ART3: variants seen among roughly 807,000 people sequenced by gnomAD.
ART3 encodes the protein ADP-ribosyltransferase 3 (inactive).
A neutral mutation model predicts 48.5 loss-of-function variants in ART3; 49 were observed. That is an observed-to-expected ratio of 1.01 (90% CI 0.80 to 1.28). The LOEUF is 1.28. Among genes scored for constraint, ART3 ranks in the 50% most tolerant of loss-of-function variants. The probability of loss-of-function intolerance (pLI) is 0.00; values close to 1 mark genes in which losing one functional copy is unlikely to be tolerated. For synonymous variants in ART3, 145 were observed against 157.2 expected (o/e 0.92, Z 0.58); for missense variants, 438 against 454.3 (o/e 0.96, Z 0.33).
intron 1 of ART3, among the ~76,000 whole-genome samples, chr4:76,065,779 TATA>T (rs1719674688): frequency 6.6e-6 from 1 of 151,546 alleles, no homozygotes; most frequent in African/African-American, 2.4e-5. Context: ...ATATATTAAA[TATA>T]ATAAAGCAAT....
At chr4:76,065,020 C>T (rs5005113) in intron 1 of ART3, among the ~76,000 whole-genome samples, 88,456 of 151,210 alleles carry the variant, frequency 0.58, 26,668 homozygotes, top group East Asian at 0.94. Context: ...TTAGTAGAGA[C>T]GAGGTTTCAC....
chr4:76,107,562 T>C (rs1249740965), intron 10 of ART3, 199 bp from the exon 11 acceptor site: 1 of 393,490 alleles, frequency 2.5e-6, no homozygotes, highest in African/African-American at 2.1e-5. Context: ...CACATATTGA[T>C]GGGAAAAAAA....
At chr4:76,032,581 C>CT (rs10547155) in intron 1 of ART3, among the ~76,000 whole-genome samples, 178 of 114,566 alleles carry the variant, frequency 1.6e-3, no homozygotes, top group Non-Finnish European at 2.2e-3. Flanking sequence ...AGATTCAAGT[C>CT]TTTTTTTTTT....
At position 76,042,562 on chromosome 4, in the gene ART3, G is replaced by C. The variant is rs891955912; in HGVS notation, c.-10+31242G>C. 5.3e-5 allele frequency among the ~76,000 whole-genome samples: 8 copies of C among 152,078 alleles called. No individual in the cohort carries two copies. The East Asian group carries it at 1.5e-3, about 29-fold the overall frequency. On this transcript the variant is annotated intron_variant, in intron 1 of 9. Transcript: ENST00000341029. ...CCAGAATTGGTGGGTTCTTGGTCTCGCTGACTTCAAGAATGAAGCCACGGA... is the reference window on the plus strand; with the variant it reads ...CCAGAATTGGTGGGTTCTTGGTCTCCCTGACTTCAAGAATGAAGCCACGGA...
chr4:76,062,661 C>T (rs1182146936), intron 1 of ART3, among the ~76,000 whole-genome samples: 3 of 145,684 alleles, frequency 2.1e-5, no homozygotes, highest in South Asian at 4.3e-4. Flanking sequence ...CTCGGGTTCA[C>T]GCCATTCTTC....
chr4:76,105,405 C>T (rs999721758), intron 10 of ART3: 35 of 944,050 alleles, frequency 3.7e-5, no homozygotes, highest in Non-Finnish European at 4.6e-5. Context: ...AAGCTTCTGT[C>T]TTGCAGGACT....
intron 3 of ART3, among the ~76,000 whole-genome samples, chr4:76,089,562 G>A (rs1724370819): frequency 6.6e-6 from 1 of 152,016 alleles, no homozygotes. Flanking sequence ...CCCCTGCCAC[G>A]CTTCCTGTAC....
At chr4:76,057,585 A>G (rs936397696) in intron 1 of ART3, among the ~76,000 whole-genome samples, 3 of 152,302 alleles carry the variant, frequency 2.0e-5, no homozygotes, top group Non-Finnish European at 4.4e-5. Flanking sequence ...CTCTGCATCT[A>G]TTAACTCTGG....
chr4:76,078,069 A>G (rs1721527214), intron 2 of ART3, among the ~76,000 whole-genome samples: 2 of 151,750 alleles, frequency 1.3e-5, no homozygotes, highest in Non-Finnish European at 2.9e-5. Context: ...ATTGAATTTC[A>G]TTAGTATGGG....
chr4:76,040,585 C>A (rs1426028900), intron 1 of ART3, among the ~76,000 whole-genome samples: 1 of 133,192 alleles, frequency 7.5e-6, no homozygotes, highest in African/African-American at 2.9e-5. Flanking sequence ...GAGGAGAAGA[C>A]AGGGAGAAAA....
At chr4:76,102,369 T>C (rs1335032865) in intron 8 of ART3, among the ~76,000 whole-genome samples, 1 of 152,184 alleles carries the variant, frequency 6.6e-6, no homozygotes, top group African/African-American at 2.4e-5. Flanking sequence ...GTTTAGATGA[T>C]GTGGAACTTT....
intron 1 of ART3, among the ~76,000 whole-genome samples, chr4:76,025,353 A>G (rs1055594092): frequency 6.6e-6 from 1 of 152,228 alleles, no homozygotes; most frequent in African/African-American, 2.4e-5. Context: ...TGACAGTTTT[A>G]TTTTAGTTGG....
intron 8 of ART3, 108 bp from the exon 9 acceptor site, chr4:76,103,829 C>CTT (rs33952924): frequency 0.012 from 9,057 of 773,726 alleles, 122 homozygotes; most frequent in African/African-American, 0.067. Context: ...TTCCCCCTGC[C>CTT]TTTTTTTTTT....
rs919490285 is a variant in ART3, at chr4:76,112,453, T to C, written c.1104T>C (p.Leu368=). 1.9e-6 allele frequency: 3 copies of C among 1,614,008 alleles called. No individual in the cohort carries two copies. The African/African-American group carries it at 4.0e-5, about 22-fold the overall frequency. ...CTGCATCCTCGGGCAAACTGCTGCTTCCACAGTTTGGGATGGTCATCATTT... is the reference window on the plus strand; with the variant it reads ...CTGCATCCTCGGGCAAACTGCTGCTCCCACAGTTTGGGATGGTCATCATTT... ...HPSASSGKLL[L]PQFGMVIILI... is the part of the protein sequence containing the mutation. The change falls in exon 12 of 12, where the codon CTT becomes CTC. Residue 368 remains leucine (L), a synonymous_variant. Coordinates refer to ENST00000355810, the MANE Select transcript of ART3 (RefSeq NM_001130016.3).
upstream of ART3, among the ~76,000 whole-genome samples, chr4:76,070,082 G>A (rs1322386201): frequency 3.9e-5 from 6 of 152,202 alleles, no homozygotes; most frequent in South Asian, 1.0e-3. Context: ...TGACATTTGG[G>A]TTGTTTCTAC....
chr4:76,090,138 G>C (rs1724549446), intron 3 of ART3, among the ~76,000 whole-genome samples: 1 of 152,088 alleles, frequency 6.6e-6, no homozygotes, highest in Admixed American at 6.5e-5. Flanking sequence ...CTCAGCCACT[G>C]TTTAGAAAAA....
intron 2 of ART3, among the ~76,000 whole-genome samples, chr4:76,078,259 G>A (rs1362746741): frequency 6.6e-6 from 1 of 152,096 alleles, no homozygotes; most frequent in Admixed American, 6.6e-5. Flanking sequence ...TGGCCAGAAA[G>A]ACTTGATGTC....
At position 76,100,318 on chromosome 4, in the gene ART3, A is replaced by C; in HGVS notation, c.875A>C (p.His292Pro). The change falls in exon 6 of 12, where the codon CAT (histidine) becomes CCT (proline). Residue 292 changes from histidine to proline, a missense_variant and splice_region_variant. Transcript: ENST00000355810. ...GAGAAAAACCAGAAGCTTGAAGACC[A>C]TAGTAAGACATTTTTATAAATTCTG... Reference protein sequence around the residue: ...PGEKNQKLEDHSEKNWKLEDH... With the variant: ...PGEKNQKLEDPSEKNWKLEDH... 1 of 1,612,776 alleles carries C rather than the reference A, an allele frequency of 6.2e-7. No individual in the cohort carries two copies. Among genetic ancestry groups the C allele is most frequent in the East Asian group, 2.2e-5 (1 of 44,776 alleles).
intron 4 of ART3, among the ~76,000 whole-genome samples, chr4:76,097,899 G>A (rs541745750): frequency 1.1e-4 from 16 of 152,284 alleles, no homozygotes; most frequent in African/African-American, 3.9e-4. Context: ...AGACTTGCCT[G>A]TGGCTCTTCT....
Sources: gnomAD v4.1 joint callset for allele counts (sites outside exome capture counted in the v4.1 genomes callset) on GRCh38, gnomAD v4.1.1 for gene constraint, MANE v1.5 for transcripts, NCBI Gene and HGNC (gene_info 2026-07-23, HGNC 2026-07-21) for gene names.